Variants in SETD3 observed in about 807,000 individuals in gnomAD.
SETD3 encodes the protein SET domain containing 3, actin N3(tau)-histidine methyltransferase.
A neutral mutation model predicts 63.0 loss-of-function variants in SETD3; 19 were observed. The observed-to-expected ratio is 0.30, with a 90% CI of 0.21 to 0.44. SETD3 has a LOEUF of 0.44. Among genes scored for constraint, SETD3 ranks in the 20% least tolerant of loss-of-function variants. The probability of loss-of-function intolerance (pLI) is 1.00; values close to 1 mark genes in which losing one functional copy is unlikely to be tolerated. For synonymous variants in SETD3, 286 were observed against 264.1 expected (o/e 1.08, Z -0.80); for missense variants, 587 against 728.5 (o/e 0.81, Z 2.24).
chr14:99,398,942 C>T lies in SETD3; in HGVS notation c.1522G>A (p.Gly508Arg), dbSNP rs1001446414. The T allele has an allele frequency of 2.5e-6, 4 of 1,614,078 alleles. No homozygotes were observed. Residue 508 changes from glycine (G) to arginine (R), a missense_variant, in exon 13 of 13, where the codon GGG (glycine) becomes AGG (arginine). Coordinates refer to ENST00000331768, the MANE Select transcript of SETD3 (RefSeq NM_032233.3). ...PLPKYEESNLGLLESSVGDSR... is the reference protein window; with the variant it reads ...PLPKYEESNLRLLESSVGDSR... ...TCCCCCACGCTGCTCTCCAACAGCCCAAGGTTACTCTCTTCATATTTGGGA... is the reference window on the plus strand; with the variant it reads ...TCCCCCACGCTGCTCTCCAACAGCCTAAGGTTACTCTCTTCATATTTGGGA...
rs921195358 is a variant in SETD3, at chr14:99,430,570, C to T, written c.676-16636G>A. Among the ~76,000 whole-genome samples, 5 of 152,214 alleles carry T rather than the reference C, an allele frequency of 3.3e-5. No homozygotes were observed. The East Asian group carries it at 7.7e-4, about 23-fold the overall frequency. On this transcript the variant is annotated intron_variant, in intron 6 of 12. Transcript: ENST00000331768. Reference sequence around the variant, plus strand: ...ACCTTTTGACCTGACCTGCAAACAACGAACATTTATTCAACAGACATTTAT... The same window carrying T: ...ACCTTTTGACCTGACCTGCAAACAATGAACATTTATTCAACAGACATTTAT...
At chr14:99,476,307 T>G (rs1895969839) in intron 1 of SETD3, among the ~76,000 whole-genome samples, 2 of 152,252 alleles carry the variant, frequency 1.3e-5, no homozygotes, top group Non-Finnish European at 1.5e-5. Flanking sequence ...AGGTTCACTG[T>G]TATCGCTAAT....
chr14:99,429,726 G>A (rs952843180), intron 6 of SETD3, among the ~76,000 whole-genome samples: 3 of 152,178 alleles, frequency 2.0e-5, no homozygotes, highest in Admixed American at 6.5e-5. Context: ...TAAAACGTGA[G>A]GAAGAGGTGC....
At chr14:99,403,597 C>T (rs79464854) in intron 11 of SETD3, among the ~76,000 whole-genome samples, 6,172 of 151,962 alleles carry the variant, frequency 0.041, 408 homozygotes, top group African/African-American at 0.14. Flanking sequence ...CATAAGAAAC[C>T]CCAAATGACT....
chr14:99,484,065 G>A (rs1171074093), upstream of SETD3, among the ~76,000 whole-genome samples: 2 of 152,192 alleles, frequency 1.3e-5, no homozygotes, highest in Non-Finnish European at 2.9e-5. Context: ...AAATTTACTT[G>A]GTGTGATTAC....
intron 11 of SETD3, among the ~76,000 whole-genome samples, chr14:99,401,197 C>T (rs1891370888): frequency 6.6e-6 from 1 of 151,862 alleles, no homozygotes; most frequent in Non-Finnish European, 1.5e-5. Context: ...TCTCACTTGT[C>T]AGGAATTTAA....
At chr14:99,463,807 C>G (rs1264197006) in intron 2 of SETD3, among the ~76,000 whole-genome samples, 1 of 152,020 alleles carries the variant, frequency 6.6e-6, no homozygotes, top group Non-Finnish European at 1.5e-5. Context: ...ACTTAACGTA[C>G]CCAAGAGAGA....
chr14:99,456,535 C>A (rs1307317521), intron 6 of SETD3, among the ~76,000 whole-genome samples: 1 of 152,138 alleles, frequency 6.6e-6, no homozygotes, highest in Admixed American at 6.6e-5. Flanking sequence ...CTTGGGAAAG[C>A]TTCTCAATCG....
At chr14:99,420,680 G>T (rs1215074970) in intron 6 of SETD3, among the ~76,000 whole-genome samples, 1 of 152,038 alleles carries the variant, frequency 6.6e-6, no homozygotes, top group Non-Finnish European at 1.5e-5. Context: ...AGGGGCCAGA[G>T]AATCTTCTCA....
chr14:99,470,690 C>T (rs1427916786), intron 1 of SETD3, among the ~76,000 whole-genome samples: 5 of 152,184 alleles, frequency 3.3e-5, no homozygotes, highest in East Asian at 1.9e-4. Context: ...AAGTGTTTCT[C>T]GGTACCAGTT....
At chr14:99,484,196 A>G (rs111495418), upstream of SETD3, among the ~76,000 whole-genome samples, 33 of 152,230 alleles carry the variant, frequency 2.2e-4, no homozygotes, top group African/African-American at 7.7e-4. Flanking sequence ...ATAAAGTAAG[A>G]CTAGTTGTGA....
chr14:99,431,585 G>A (rs542349488), intron 6 of SETD3, among the ~76,000 whole-genome samples: 4 of 152,018 alleles, frequency 2.6e-5, no homozygotes, highest in East Asian at 1.9e-4. Flanking sequence ...TCCACTTCCC[G>A]GGTTCAAGCG....
At chr14:99,402,595 T>TC (rs1891444982) in intron 11 of SETD3, among the ~76,000 whole-genome samples, 1 of 151,942 alleles carries the variant, frequency 6.6e-6, no homozygotes, top group Non-Finnish European at 1.5e-5. Flanking sequence ...TTTATACTCT[T>TC]CCCCCACTCC....
chr14:99,400,195 C>A lies in SETD3; in HGVS notation c.1242G>T (p.Ser414=). The A allele has an allele frequency of 6.2e-7, 1 of 1,614,104 alleles. No individual in the cohort carries two copies. The change falls in exon 12 of 13, where the codon TCG becomes TCT. Residue 414 remains serine (S), a synonymous_variant. Transcript: ENST00000331768. ...AIDRIFTLGN[S]EFPVSWDNEV... ...CGTTGTCCCAGCTAACAGGAAATTCCGAGTTCCCCAAGGTGAAGATTCTAT... is the reference window on the plus strand; with the variant it reads ...CGTTGTCCCAGCTAACAGGAAATTCAGAGTTCCCCAAGGTGAAGATTCTAT...
chr14:99,468,950 T>C (rs957866560), intron 1 of SETD3, among the ~76,000 whole-genome samples: 2 of 152,184 alleles, frequency 1.3e-5, no homozygotes, highest in South Asian at 2.1e-4. Context: ...GAAGAGCATC[T>C]GCACAGGTCT....
intron 11 of SETD3, among the ~76,000 whole-genome samples, chr14:99,400,659 A>G (rs1891340877): frequency 6.6e-6 from 1 of 152,208 alleles, no homozygotes; most frequent in Non-Finnish European, 1.5e-5. Flanking sequence ...CATTTAGGTG[A>G]ACGATGTAAA....
At chr14:99,410,175 TAGGCAG>T (rs1891904353) in intron 8 of SETD3, 2 of 1,611,948 alleles carry the variant, frequency 1.2e-6, no homozygotes. Context: ...TGGAGGGTCT[TAGGCAG>T]AGGCGACAGC....
At chr14:99,439,701 T>C (rs1347980861) in intron 6 of SETD3, among the ~76,000 whole-genome samples, 1 of 148,152 alleles carries the variant, frequency 6.7e-6, no homozygotes, top group Non-Finnish European at 1.5e-5. Context: ...TGTATTTATA[T>C]TTTTATACAT....
rs555864526 is a variant in SETD3 at position 99,403,161 on chromosome 14, C to T, written c.1177+1064G>A. Among the ~76,000 whole-genome samples, 18 of 152,252 alleles carry T rather than the reference C, an allele frequency of 1.2e-4. No homozygotes were observed. The South Asian group carries it at 3.5e-3, about 30-fold the overall frequency. On this transcript the variant is annotated intron_variant, in intron 11 of 12. Transcript: ENST00000331768. ...GTGAACTGCCTCTCCTGTTTCGGGA[C>T]TAGGTTTTTTCTGCCTCCAGCATGA...
Sources: allele counts gnomAD v4.1 joint callset (sites outside exome capture counted in the v4.1 genomes callset), GRCh38; gene constraint gnomAD v4.1.1; transcripts MANE v1.5; gene names NCBI Gene and HGNC (gene_info 2026-07-23, HGNC 2026-07-21).